The following DACH2 variants were observed in gnomAD, a reference collection of about 807,000 sequenced individuals.
DACH2 encodes dachshund homolog 2.
In DACH2, 17 loss-of-function variants were observed where a neutral mutation model predicts 35.8. The observed-to-expected ratio is 0.48, with a 90% CI of 0.33 to 0.71. The LOEUF is 0.71. DACH2 is among the 30% of genes least tolerant of loss of function. The pLI is 0.02. For synonymous variants in DACH2, 195 were observed against 177.3 expected (o/e 1.10, Z -0.79); for missense variants, 469 against 472.7 (o/e 0.99, Z 0.07).
At chrX:86,171,657 G>T (rs1271282867) in intron 1 of DACH2, among the ~76,000 whole-genome samples, 1 of 111,282 alleles carries the variant, frequency 9.0e-6, no homozygotes, top group African/African-American at 3.3e-5. Flanking sequence ...CCTCACAATT[G>T]CTGTGTTCTC....
chrX:86,323,620 G>T (rs988266176), intron 1 of DACH2, among the ~76,000 whole-genome samples: 1 of 112,143 alleles, frequency 8.9e-6, no homozygotes, highest in Non-Finnish European at 1.9e-5. Flanking sequence ...CTGACAACCA[G>T]TCGGGCATAG....
At chrX:86,686,321 C>T (rs909867707) in intron 4 of DACH2, among the ~76,000 whole-genome samples, 2 of 110,863 alleles carry the variant, frequency 1.8e-5, no homozygotes, top group South Asian at 3.8e-4. Flanking sequence ...CAACCTCTGC[C>T]TCCTGGGTTC....
At chrX:86,423,897 C>A (rs753372380) in intron 2 of DACH2, among the ~76,000 whole-genome samples, 15 of 110,894 alleles carry the variant, frequency 1.4e-4, no homozygotes, top group Non-Finnish European at 2.5e-4. Context: ...CATTCTTCTG[C>A]ATATGAATGT....
chrX:86,212,553 G>T (rs1284905628), intron 1 of DACH2, among the ~76,000 whole-genome samples: 1 of 110,846 alleles, frequency 9.0e-6, no homozygotes. Context: ...TAAAATTGAA[G>T]TTTAGTAGAG....
chrX:86,325,219 CTGGTATCTAAA>C (rs2035093148), intron 1 of DACH2, among the ~76,000 whole-genome samples: 1 of 111,520 alleles, frequency 9.0e-6, no homozygotes, highest in African/African-American at 3.3e-5. Context: ...GTGTGAATAT[CTGGTATCTAAA>C]GGGTATCTAA....
intron 3 of DACH2, among the ~76,000 whole-genome samples, chrX:86,545,014 C>T (rs2038938329): frequency 1.8e-5 from 2 of 111,588 alleles, no homozygotes; most frequent in Non-Finnish European, 3.8e-5. Context: ...AGGCTGGTCT[C>T]GAATTCCTGA....
intron 1 of DACH2, among the ~76,000 whole-genome samples, chrX:86,301,517 A>G (rs911577830): frequency 8.9e-6 from 1 of 112,070 alleles, no homozygotes; most frequent in African/African-American, 3.2e-5. Context: ...GAGACATTTA[A>G]TTACAAGGTA....
At chrX:86,667,544 A>AGAAAGAAAGAAG (rs1569463646) in intron 4 of DACH2, among the ~76,000 whole-genome samples, 8 of 36,641 alleles carry the variant, frequency 2.2e-4, no homozygotes, top group African/African-American at 9.5e-4. Context: ...AAAGAAAGAA[A>AGAAAGAAAGAAG]GAAGAAAGAA....
At chrX:86,546,404 C>CTTCTTCTTCTTCTTCTTCTT (rs774988785) in intron 3 of DACH2, among the ~76,000 whole-genome samples, 2 of 21,693 alleles carry the variant, frequency 9.2e-5, no homozygotes, top group African/African-American at 1.2e-4. Context: ...TCTTCTTCTT[C>CTTCTTCTTCTTCTTCTTCTT]CTTCTTCTTC....
At chrX:86,521,477 C>A (rs1380971503) in intron 3 of DACH2, among the ~76,000 whole-genome samples, 1 of 111,731 alleles carries the variant, frequency 9.0e-6, no homozygotes, top group East Asian at 2.8e-4. Context: ...TCATGGATGA[C>A]ATTCTGAAAT....
At chrX:86,306,265 C>CA (rs763955942) in intron 1 of DACH2, among the ~76,000 whole-genome samples, 1 of 111,884 alleles carries the variant, frequency 8.9e-6, no homozygotes, top group South Asian at 3.7e-4. Flanking sequence ...TACTCAGCTA[C>CA]AAAAAAGAAT....
chrX:86,707,912 TAAAAAAAA>T (rs56293403), intron 5 of DACH2, among the ~76,000 whole-genome samples: 3 of 34,579 alleles, frequency 8.7e-5, no homozygotes, highest in African/African-American at 5.7e-4. Flanking sequence ...AGACTCCATC[TAAAAAAAA>T]AAAAAAAAAA....
chrX:86,654,388 G>C (rs2148409335), intron 4 of DACH2, among the ~76,000 whole-genome samples: 1 of 109,754 alleles, frequency 9.1e-6, no homozygotes, highest in African/African-American at 3.3e-5. Flanking sequence ...CAATTAAAGA[G>C]GAAAATTATT....
intron 1 of DACH2, among the ~76,000 whole-genome samples, chrX:86,314,147 G>A (rs891229939): frequency 1.8e-5 from 2 of 109,974 alleles, no homozygotes; most frequent in Admixed American, 2.0e-4. Flanking sequence ...TTAATACCAG[G>A]CCAATTAATG....
intron 11 of DACH2, among the ~76,000 whole-genome samples, chrX:86,819,462 CA>C (rs34465491): frequency 0.021 from 2,327 of 111,657 alleles, 32 homozygotes; most frequent in Non-Finnish European, 0.034. Flanking sequence ...AAATGACATT[CA>C]AGTGCCATTT....
chrX:86,639,606 ACC>A (rs1244133084), intron 3 of DACH2, among the ~76,000 whole-genome samples: 3 of 110,489 alleles, frequency 2.7e-5, no homozygotes, highest in Non-Finnish European at 5.7e-5. Context: ...ACAATATAAG[ACC>A]CACTGGCCCC....
At chrX:86,312,217 T>C (rs1009322222) in intron 1 of DACH2, among the ~76,000 whole-genome samples, 1 of 112,157 alleles carries the variant, frequency 8.9e-6, no homozygotes, top group South Asian at 3.7e-4. Flanking sequence ...AATAAGAAAA[T>C]ATTTTGATTT....
chrX:86,213,899 C>A (rs1345241173), intron 1 of DACH2, among the ~76,000 whole-genome samples: 1 of 110,914 alleles, frequency 9.0e-6, no homozygotes, highest in African/African-American at 3.3e-5. Context: ...ATATTAACTG[C>A]TTATATAATA....
chrX:86,449,466 A>C (rs1013559592), intron 2 of DACH2, among the ~76,000 whole-genome samples: 1 of 111,416 alleles, frequency 9.0e-6, no homozygotes, highest in African/African-American at 3.3e-5. Flanking sequence ...TTTTAAGTGG[A>C]GAATTTAATC....
Sources: allele counts gnomAD v4.1 joint callset (sites outside exome capture counted in the v4.1 genomes callset), GRCh38; gene constraint gnomAD v4.1.1; transcripts MANE v1.5; gene names NCBI Gene and HGNC (gene_info 2026-07-23, HGNC 2026-07-21).